PPEF1: variants seen among roughly 807,000 people sequenced by gnomAD.
PPEF1 encodes the protein protein phosphatase with EF-hand domain 1, also known as serine/threonine-protein phosphatase with EF-hands 1.
PPEF1 carries 12 observed loss-of-function variants against 53.3 expected under a neutral mutation model. The observed-to-expected ratio is 0.23, with a 90% CI of 0.14 to 0.36. The LOEUF (loss-of-function observed/expected upper bound fraction) is 0.36, where lower values mean the gene tolerates loss of function less well. PPEF1 is among the 10% of genes least tolerant of loss of function. The pLI is 1.00. For missense variants in PPEF1, 334 were observed against 490.4 expected (o/e 0.68, Z 3.01); for synonymous variants, 165 against 176.7 (o/e 0.93, Z 0.52).
intron 8 of PPEF1, among the ~76,000 whole-genome samples, chrX:18,783,453 C>T (rs761610609): frequency 3.6e-5 from 4 of 111,389 alleles, no homozygotes; most frequent in Admixed American, 2.9e-4. Flanking sequence ...CATAGTGGCT[C>T]ACATCTGTAA....
intron 10 of PPEF1, among the ~76,000 whole-genome samples, chrX:18,795,479 G>A (rs2046415114): frequency 8.9e-6 from 1 of 112,063 alleles, no homozygotes; most frequent in East Asian, 2.8e-4. Flanking sequence ...TTGTGACAGC[G>A]TGCATATCCA....
Position 18,730,231 on chromosome X carries a change from C to G in PPEF1, c.97C>G (p.Arg33Gly), listed in dbSNP as rs749778503. The G allele has an allele frequency of 1.7e-6, 2 of 1,207,481 alleles. No homozygotes were observed. Among genetic ancestry groups the G allele is most frequent in the Non-Finnish European group, 2.2e-6 (2 of 893,279 alleles). The change falls in exon 2 of 16, where the codon CGA becomes GGA. Residue 33 changes from arginine to glycine, a missense_variant. Transcript: ENST00000470157. ...GAACTGGTACCGAGGTTACAAAGCT[C>G]GACTGAAGGCCAGACAACACTATGC... The part of the protein sequence containing the change: ...IQNWYRGYKA[R>G]LKARQHYALT...
intron 3 of PPEF1, among the ~76,000 whole-genome samples, chrX:18,741,774 T>G (rs1430950722): frequency 1.2e-5 from 1 of 86,911 alleles, no homozygotes; most frequent in Non-Finnish European, 2.2e-5. Flanking sequence ...TGCTGCTTCT[T>G]TTTTTTTTTT....
At chrX:18,711,090 G>GTATA (rs34861524) in intron 1 of PPEF1, among the ~76,000 whole-genome samples, 8,807 of 100,315 alleles carry the variant, frequency 0.088, 383 homozygotes, top group South Asian at 0.25. Flanking sequence ...GTGTGTGTGT[G>GTATA]TGTATATATA....
intron 1 of PPEF1, among the ~76,000 whole-genome samples, chrX:18,684,063 T>A (rs1000319782): frequency 8.9e-6 from 1 of 112,404 alleles, no homozygotes; most frequent in African/African-American, 3.2e-5. Flanking sequence ...ATTTTGACAA[T>A]GTCTTTAATT....
chrX:18,746,188 G>A (rs757627935), intron 3 of PPEF1, among the ~76,000 whole-genome samples: 1 of 111,975 alleles, frequency 8.9e-6, no homozygotes, highest in Non-Finnish European at 1.9e-5. Flanking sequence ...ATTCTGTGTT[G>A]CACAAATCTT....
At chrX:18,720,153 T>C (rs770277694) in intron 1 of PPEF1, among the ~76,000 whole-genome samples, 46 of 111,874 alleles carry the variant, frequency 4.1e-4, no homozygotes, top group South Asian at 7.5e-4. Context: ...CCTGTACTGT[T>C]TGAAAATTTC....
At chrX:18,748,600 TCTG>T (rs1234942289) in intron 3 of PPEF1, among the ~76,000 whole-genome samples, 3 of 112,462 alleles carry the variant, frequency 2.7e-5, no homozygotes, top group Non-Finnish European at 5.6e-5. Context: ...GCTGAACACT[TCTG>T]CTGATCTTGG....
rs772803996 is a variant in PPEF1, at chrX:18,782,320, T to A, written c.726-46T>A. ...TCCCTTTTTGCATGACTCATGGAAGTAGGCGTTATCAACAATCAAATCATT... is the reference window on the plus strand; with the variant it reads ...TCCCTTTTTGCATGACTCATGGAAGAAGGCGTTATCAACAATCAAATCATT... On this transcript the variant is annotated intron_variant, in intron 7 of 15. Transcript: ENST00000470157. 54 of 1,048,750 alleles carry A rather than the reference T, an allele frequency of 5.1e-5. 1 individual carries two copies. Among genetic ancestry groups the A allele is most frequent in the Non-Finnish European group, 3.9e-6 (3 of 761,948 alleles). The allele number at this position is 1,048,750 out of a possible 1,213,427, so 86.4% of individuals were successfully genotyped here.
chrX:18,718,311 C>G (rs192862213), intron 1 of PPEF1, among the ~76,000 whole-genome samples: 5 of 111,747 alleles, frequency 4.5e-5, no homozygotes, highest in South Asian at 3.7e-4. Flanking sequence ...GTAGCCATGT[C>G]TGTAATCCCA....
rs376567443 is a variant in PPEF1, at chrX:18,769,279, G to A, written c.558+7703G>A. On this transcript the variant is annotated intron_variant, in intron 6 of 15. Transcript: ENST00000470157. ...AAATATAATCTTATCATCAAGTGAA[G>A]TAATTTACATATCATTAGTTAGGTC... Among the ~76,000 whole-genome samples the A allele has an allele frequency of 2.7e-5, 3 of 111,944 alleles. No homozygotes were observed. In the East Asian group the frequency reaches 8.4e-4, roughly 31 times the overall value.
At chrX:18,726,545 T>G (rs1199408771) in intron 1 of PPEF1, among the ~76,000 whole-genome samples, 2 of 111,432 alleles carry the variant, frequency 1.8e-5, no homozygotes, top group Non-Finnish European at 3.8e-5. Context: ...AAAATTTCCT[T>G]ATGTGTAACA....
In PPEF1 at chrX:18,707,789, C is replaced by T; in HGVS notation, c.9C>T (p.Cys3=). 1 of 1,208,188 alleles carries T rather than the reference C, an allele frequency of 8.3e-7. No homozygotes were observed. The highest frequency in any genetic ancestry group is 1.1e-6 in the Non-Finnish European group (1 of 892,335). Reference sequence around the variant, plus strand: ...TGATTTAGATAGAAGTCATGGGATGCAGCAGTTCTTCAACGAAAACCAGGA... The same window carrying T: ...TGATTTAGATAGAAGTCATGGGATGTAGCAGTTCTTCAACGAAAACCAGGA... MG[C]SSSSTKTRRS... The change falls in exon 1 of 16, where the codon TGC becomes TGT. Residue 3 remains cysteine (C), a synonymous_variant. Transcript: ENST00000470157.
At chrX:18,750,214 G>A (rs1569255863) in intron 4 of PPEF1, among the ~76,000 whole-genome samples, 1 of 111,224 alleles carries the variant, frequency 9.0e-6, no homozygotes, top group East Asian at 2.8e-4. Flanking sequence ...TACAGTGTAC[G>A]ACTCAGTGAC....
upstream of PPEF1, among the ~76,000 whole-genome samples, chrX:18,705,938 A>G (rs2044184520): frequency 9.0e-6 from 1 of 111,032 alleles, no homozygotes; most frequent in Non-Finnish European, 1.9e-5. Flanking sequence ...GGAAAGATAG[A>G]TATGTCAGTT....
chrX:18,740,997 C>T (rs1259907844), intron 3 of PPEF1, among the ~76,000 whole-genome samples: 2 of 104,017 alleles, frequency 1.9e-5, no homozygotes, highest in Non-Finnish European at 1.9e-5. Flanking sequence ...TGGTAAATAC[C>T]CTTCAAAGTG....
chrX:18,794,012 C>T (rs1455560936), intron 10 of PPEF1, among the ~76,000 whole-genome samples: 2 of 112,065 alleles, frequency 1.8e-5, no homozygotes, highest in Non-Finnish European at 3.8e-5. Flanking sequence ...GCTTCGGACC[C>T]ATCTGCCTCT....
chrX:18,759,803 T>A (rs921473042), intron 5 of PPEF1, among the ~76,000 whole-genome samples: 2 of 112,038 alleles, frequency 1.8e-5, no homozygotes, highest in African/African-American at 6.5e-5. Flanking sequence ...TTCTATTGCA[T>A]GTATTTGGTT....
intron 1 of PPEF1, among the ~76,000 whole-genome samples, chrX:18,683,619 C>T (rs918130096): frequency 2.7e-5 from 3 of 111,898 alleles, no homozygotes; most frequent in African/African-American, 3.2e-5. Context: ...CATCTGGCTC[C>T]GTGGGCTGTG....
Sources: allele counts gnomAD v4.1 joint callset (sites outside exome capture counted in the v4.1 genomes callset), GRCh38; gene constraint gnomAD v4.1.1; transcripts MANE v1.5; gene names NCBI Gene and HGNC (gene_info 2026-07-23, HGNC 2026-07-21).